Variants in IGF2BP2 observed in about 807,000 individuals in gnomAD.
IGF2BP2 encodes the protein insulin-like growth factor 2 mRNA-binding protein 2.
A neutral mutation model predicts 75.8 loss-of-function variants in IGF2BP2; 17 were observed. The observed-to-expected ratio is 0.22, with a 90% confidence interval of 0.15 to 0.34. The LOEUF is 0.34. IGF2BP2 is among the 10% of genes least tolerant of loss of function. The pLI is 1.00. For missense variants in IGF2BP2, 516 were observed against 772.4 expected, an observed-to-expected ratio of 0.67 and a Z score of 3.93; for synonymous variants, 288 against 295.6, an observed-to-expected ratio of 0.97 and a Z score of 0.26.
At chr3:185,789,727 A>ATTTTTTTTT (rs10602691) in intron 2 of IGF2BP2, among the ~76,000 whole-genome samples, 1 of 111,594 alleles carries the variant, frequency 9.0e-6, no homozygotes, top group Non-Finnish European at 1.8e-5. Flanking sequence ...ACAACCAGGA[A>ATTTTTTTTT]TTTTTTTTTT....
chr3:185,720,479 A>T (rs1333115150), intron 2 of IGF2BP2, among the ~76,000 whole-genome samples: 2 of 152,166 alleles, frequency 1.3e-5, no homozygotes, highest in Non-Finnish European at 2.9e-5. Context: ...GCCTATTTAA[A>T]GCTACTAACA....
At chr3:185,680,230 A>G (rs1016463275) in intron 7 of IGF2BP2, among the ~76,000 whole-genome samples, 9 of 152,198 alleles carry the variant, frequency 5.9e-5, no homozygotes, top group Admixed American at 2.0e-4. Flanking sequence ...TCTAGAGGAA[A>G]CACACAACCT....
rs1577809807 is a variant in IGF2BP2 at position 185,652,077 on chromosome 3, T to C, written c.1461+17A>G. The C allele has an allele frequency of 1.2e-6, 2 of 1,604,666 alleles. No homozygotes were observed. The highest frequency in any genetic ancestry group is 8.5e-7 in the Non-Finnish European group (1 of 1,173,304). ...GTGCCCAGAGCCTGCAGGGCTGAGG[T>C]GTCCCTTGGCACTAACCTTGAACTG... On this transcript the variant is annotated intron_variant, in intron 13 of 15. Coordinates refer to ENST00000382199, the MANE Select transcript of IGF2BP2 (RefSeq NM_006548.6).
intron 2 of IGF2BP2, among the ~76,000 whole-genome samples, chr3:185,767,045 C>T (rs943005398): frequency 4.6e-5 from 7 of 152,164 alleles, no homozygotes; most frequent in African/African-American, 1.7e-4. Context: ...ACTGCCCAGC[C>T]CCACTTCCTG....
intron 2 of IGF2BP2, chr3:185,821,177 GA>G (rs925580828): frequency 1.1e-4 from 156 of 1,406,038 alleles, no homozygotes; most frequent in Admixed American, 1.8e-4. Flanking sequence ...TAAAGGAAAG[GA>G]AAAAAAAATT....
intron 7 of IGF2BP2, among the ~76,000 whole-genome samples, chr3:185,679,255 T>G (rs1298576880): frequency 6.6e-6 from 1 of 152,192 alleles, no homozygotes; most frequent in Non-Finnish European, 1.5e-5. Flanking sequence ...TTTGATTTTC[T>G]TTTGTGCGTT....
intron 2 of IGF2BP2, among the ~76,000 whole-genome samples, chr3:185,759,782 G>C (rs1326406698): frequency 2.0e-5 from 3 of 152,228 alleles, no homozygotes; most frequent in Admixed American, 2.0e-4. Context: ...TTTCTCATGA[G>C]CAAGGACTCT....
chr3:185,738,055 C>T (rs1414626802), intron 2 of IGF2BP2, among the ~76,000 whole-genome samples: 3 of 152,218 alleles, frequency 2.0e-5, no homozygotes, highest in Middle Eastern at 3.2e-3. Flanking sequence ...CCATTGCCAA[C>T]ACTGGATATT....
chr3:185,756,528 CT>C (rs148732469), intron 2 of IGF2BP2, among the ~76,000 whole-genome samples: 12 of 151,460 alleles, frequency 7.9e-5, no homozygotes, highest in African/African-American at 2.7e-4. Flanking sequence ...CCATCTGCCT[CT>C]TTTTTTTTGG....
chr3:185,811,584 C>A (rs1237823338), intron 2 of IGF2BP2, among the ~76,000 whole-genome samples: 3 of 152,148 alleles, frequency 2.0e-5, no homozygotes, highest in Non-Finnish European at 4.4e-5. Context: ...GATTTGGGAA[C>A]ACTGGCCCTA....
chr3:185,786,399 G>A (rs1457312198), intron 2 of IGF2BP2, among the ~76,000 whole-genome samples: 1 of 152,116 alleles, frequency 6.6e-6, no homozygotes, highest in African/African-American at 2.4e-5. Context: ...AATCACAAAA[G>A]AAGTGAAAAT....
chr3:185,789,664 CA>C lies in IGF2BP2; in HGVS notation c.239+33488del, dbSNP rs533920256. 6.6e-3 allele frequency among the ~76,000 whole-genome samples: 827 copies of C among 125,674 alleles called. 4 individuals are homozygous for C. The highest frequency in any genetic ancestry group is 0.021 in the African/African-American group (725 of 34,858). 82.4% of individuals were successfully genotyped at this position (125,674 alleles called of 152,430 possible). On this transcript the variant is annotated intron_variant, in intron 2 of 15. Coordinates refer to ENST00000382199, the MANE Select transcript of IGF2BP2 (RefSeq NM_006548.6). ...TCTTCCTGAAATCTAGTTAAGTAAG[CA>C]AAAAAAAAAACCCCTTTTGCTTCAG...
intron 2 of IGF2BP2, among the ~76,000 whole-genome samples, chr3:185,818,789 A>T (rs1740938929): frequency 6.6e-6 from 1 of 152,186 alleles, no homozygotes; most frequent in Non-Finnish European, 1.5e-5. Context: ...TGGTTTTCAT[A>T]GCTTTTCTGA....
chr3:185,800,166 C>G (rs1297385190), intron 2 of IGF2BP2, among the ~76,000 whole-genome samples: 1 of 152,148 alleles, frequency 6.6e-6, no homozygotes, highest in East Asian at 1.9e-4. Flanking sequence ...TCTCAGTAAA[C>G]TATCACTAGG....
At chr3:185,652,319 A>C in intron 12 of IGF2BP2, 151 bp from the exon 13 acceptor site, 1 of 663,092 alleles carries the variant, frequency 1.5e-6, no homozygotes, top group Non-Finnish European at 2.5e-6. Context: ...TGCTGCCTCC[A>C]CCCTGGTCTT....
chr3:185,705,114 C>G (rs968051210), intron 2 of IGF2BP2, among the ~76,000 whole-genome samples: 1 of 152,206 alleles, frequency 6.6e-6, no homozygotes, highest in African/African-American at 2.4e-5. Context: ...GGCTCCCCCG[C>G]AAGACGCAGT....
chr3:185,817,166 G>A (rs905056139), intron 2 of IGF2BP2, among the ~76,000 whole-genome samples: 1 of 152,124 alleles, frequency 6.6e-6, no homozygotes, highest in African/African-American at 2.4e-5. Flanking sequence ...AATCCTATCT[G>A]AATGTTCACA....
At chr3:185,815,532 C>T (rs1740482093) in intron 2 of IGF2BP2, among the ~76,000 whole-genome samples, 1 of 152,152 alleles carries the variant, frequency 6.6e-6, no homozygotes, top group African/African-American at 2.4e-5. Flanking sequence ...AGGATAAAGA[C>T]GGATCTCTTC....
intron 2 of IGF2BP2, among the ~76,000 whole-genome samples, chr3:185,734,027 C>T (rs1728534611): frequency 6.6e-6 from 1 of 152,222 alleles, no homozygotes; most frequent in Admixed American, 6.5e-5. Flanking sequence ...CCCACAGTAA[C>T]AACACTGAAG....
Sources: gnomAD v4.1 joint callset for allele counts (sites outside exome capture counted in the v4.1 genomes callset) on GRCh38, gnomAD v4.1.1 for gene constraint, MANE v1.5 for transcripts, NCBI Gene and HGNC (gene_info 2026-07-23, HGNC 2026-07-21) for gene names.